The following CADM2 variants were observed in gnomAD, a reference collection of about 807,000 sequenced individuals.
CADM2 encodes cell adhesion molecule 2, also known as immunoglobulin superfamily member 4D.
A neutral mutation model predicts 49.8 loss-of-function variants in CADM2; 12 were observed. The observed-to-expected ratio is 0.24, with a 90% CI of 0.15 to 0.39. CADM2 has a LOEUF of 0.39. Ranked by LOEUF, CADM2 falls within the 10% of genes least tolerant of loss-of-function variation. CADM2 has a pLI of 1.00. For missense variants in CADM2, 378 were observed against 492.3 expected (o/e 0.77, Z 2.20); for synonymous variants, 214 against 175.4 (o/e 1.22, Z -1.74).
chr3:85,999,685 AAAG>A (rs1002001055), intron 8 of CADM2, among the ~76,000 whole-genome samples: 8 of 152,078 alleles, frequency 5.3e-5, no homozygotes, highest in African/African-American at 1.4e-4. Flanking sequence ...AAAAGAAAGA[AAAG>A]AAAGAATGAA....
At position 85,951,259 on chromosome 3, in the gene CADM2, C is replaced by T. The variant is rs1221199382; in HGVS notation, c.792-10210C>T. Among the ~76,000 whole-genome samples the T allele has an allele frequency of 2.6e-5, 4 of 150,978 alleles. 1 individual carries two copies. In the Admixed American group the frequency reaches 2.7e-4, roughly 10 times the overall value. ...ATGAGAAGAAAAGCTAAGGAACCAC[C>T]TTGTTCTTTCTCACACACAAATGCA... On this transcript the variant is annotated intron_variant, in intron 7 of 9. Coordinates refer to ENST00000383699, the MANE Select transcript of CADM2 (RefSeq NM_001167675.2).
intron 2 of CADM2, among the ~76,000 whole-genome samples, chr3:85,792,014 C>A (rs550970074): frequency 6.6e-6 from 1 of 152,102 alleles, no homozygotes; most frequent in African/African-American, 2.4e-5. Context: ...TAAGCCACCG[C>A]GCCTGGCCAG....
intron 1 of CADM2, among the ~76,000 whole-genome samples, chr3:84,985,624 C>G (rs2032508052): frequency 6.6e-6 from 1 of 152,136 alleles, no homozygotes. Flanking sequence ...AATGATTACA[C>G]ATACCCCATT....
rs11919146 is a variant in CADM2 at position 85,819,715 on chromosome 3, T to A, written c.238+17519T>A. The stretch of plus-strand genomic sequence containing the variant: ...ACTATATCATTACAGTTTGATGTTA[T>A]ATGCATGACAGTAATTAAGATTCAT... On this transcript the variant is annotated intron_variant, in intron 3 of 9. Transcript: ENST00000383699. Among the ~76,000 whole-genome samples, 486 of 152,252 alleles carry A rather than the reference T, an allele frequency of 3.2e-3. 6 individuals carry two copies. The highest frequency in any genetic ancestry group is 0.011 in the African/African-American group (454 of 41,562).
At chr3:85,907,644 C>T (rs1716979980) in intron 5 of CADM2, among the ~76,000 whole-genome samples, 2 of 152,114 alleles carry the variant, frequency 1.3e-5, no homozygotes, top group Admixed American at 6.5e-5. Flanking sequence ...GACACGGTGG[C>T]TCACACCTAT....
chr3:86,025,867 G>T (rs1213701042), intron 8 of CADM2, among the ~76,000 whole-genome samples: 1 of 152,034 alleles, frequency 6.6e-6, no homozygotes, highest in South Asian at 2.1e-4. Flanking sequence ...GAATTTAAAG[G>T]CTAATAATAG....
intron 1 of CADM2, among the ~76,000 whole-genome samples, chr3:85,356,271 A>G (rs776344741): frequency 5.9e-5 from 9 of 152,096 alleles, no homozygotes; most frequent in Non-Finnish European, 1.3e-4. Context: ...TTCTACCATC[A>G]ATCTTGAGGA....
At chr3:85,906,124 A>T (rs1213911261) in intron 5 of CADM2, among the ~76,000 whole-genome samples, 1 of 152,182 alleles carries the variant, frequency 6.6e-6, no homozygotes, top group Non-Finnish European at 1.5e-5. Context: ...ATTCTACTGA[A>T]TAGACTTAAA....
At chr3:85,301,493 A>G (rs1281425789) in intron 1 of CADM2, among the ~76,000 whole-genome samples, 1 of 152,024 alleles carries the variant, frequency 6.6e-6, no homozygotes, top group African/African-American at 2.4e-5. Flanking sequence ...TCTGCGGTGT[A>G]TGTGTGCTAC....
At chr3:85,704,556 G>A (rs182913657) in intron 1 of CADM2, among the ~76,000 whole-genome samples, 237 of 152,122 alleles carry the variant, frequency 1.6e-3, no homozygotes, top group Non-Finnish European at 2.7e-3. Context: ...GCTCTCTACT[G>A]TCTTTTTATA....
At chr3:85,961,792 ATAT>A in intron 8 of CADM2, 145 bp downstream of exon 8, 1 of 435,212 alleles carries the variant, frequency 2.3e-6, no homozygotes. Context: ...TAATTATGAG[ATAT>A]TATATTTAAT....
At chr3:85,667,485 T>A (rs2065602677) in intron 1 of CADM2, among the ~76,000 whole-genome samples, 1 of 152,034 alleles carries the variant, frequency 6.6e-6, no homozygotes. Flanking sequence ...GGCTAGTGGT[T>A]GCCATATTAG....
intron 1 of CADM2, among the ~76,000 whole-genome samples, chr3:85,587,137 T>C (rs943077876): frequency 1.3e-5 from 2 of 152,098 alleles, no homozygotes; most frequent in African/African-American, 4.8e-5. Context: ...ATCAGGAATC[T>C]GTAAGGACTG....
chr3:85,897,115 A>T (rs368652775), intron 5 of CADM2, among the ~76,000 whole-genome samples: 1 of 151,946 alleles, frequency 6.6e-6, no homozygotes, highest in South Asian at 2.1e-4. Context: ...TTAGAAAATG[A>T]CTCTTAACAT....
intron 1 of CADM2, among the ~76,000 whole-genome samples, chr3:85,033,344 T>A (rs2035069924): frequency 6.6e-6 from 1 of 152,186 alleles, no homozygotes. Flanking sequence ...TTTAGGTAGC[T>A]TCTTTGTGTT....
intron 1 of CADM2, among the ~76,000 whole-genome samples, chr3:85,070,975 C>T (rs1482309603): frequency 1.4e-5 from 2 of 145,292 alleles, no homozygotes; most frequent in East Asian, 2.0e-4. Flanking sequence ...GGCAATAGAG[C>T]GAAACTCTGT....
chr3:85,979,522 T>C (rs1290328829), intron 8 of CADM2, among the ~76,000 whole-genome samples: 1 of 151,640 alleles, frequency 6.6e-6, no homozygotes, highest in Admixed American at 6.6e-5. Flanking sequence ...AGATTTAAAA[T>C]ATATGGGACT....
At chr3:85,172,995 A>C (rs1366087425) in intron 1 of CADM2, among the ~76,000 whole-genome samples, 1 of 145,198 alleles carries the variant, frequency 6.9e-6, no homozygotes, top group African/African-American at 2.5e-5. Context: ...AATATCTAAT[A>C]CCTTTTTTTT....
intron 3 of CADM2, among the ~76,000 whole-genome samples, chr3:85,830,358 TAAG>T (rs781551916): frequency 1.3e-5 from 2 of 151,970 alleles, no homozygotes; most frequent in Non-Finnish European, 2.9e-5. Context: ...GCCCACTGTT[TAAG>T]AAGATTATTT....
Sources: gnomAD v4.1 joint callset for allele counts (sites outside exome capture counted in the v4.1 genomes callset) on GRCh38, gnomAD v4.1.1 for gene constraint, MANE v1.5 for transcripts, NCBI Gene and HGNC (gene_info 2026-07-23, HGNC 2026-07-21) for gene names.